Variants in ALCAM observed in about 807,000 individuals in gnomAD.
The protein encoded by ALCAM is CD166 antigen.
ALCAM carries 30 observed loss-of-function variants against 70.9 expected under a neutral mutation model. The ratio of observed to expected loss-of-function variants is 0.42; its 90% confidence interval spans 0.32 to 0.57. The LOEUF is 0.57. Ranked by LOEUF, ALCAM falls within the 20% of genes least tolerant of loss-of-function variation. The pLI is 0.11. For missense variants in ALCAM, 591 were observed against 695.1 expected, an observed-to-expected ratio of 0.85 and a Z score of 1.68; for synonymous variants, 249 against 242.5, an observed-to-expected ratio of 1.03 and a Z score of -0.25.
chr3:105,475,920 A>T (rs1294546819), intron 1 of ALCAM, among the ~76,000 whole-genome samples: 2 of 151,786 alleles, frequency 1.3e-5, no homozygotes, highest in Non-Finnish European at 2.9e-5. Context: ...TTCCTCTTTT[A>T]CACCCAAACT....
At chr3:105,395,997 C>T (rs1935941071) in intron 1 of ALCAM, among the ~76,000 whole-genome samples, 1 of 151,892 alleles carries the variant, frequency 6.6e-6, no homozygotes, top group Non-Finnish European at 1.5e-5. Flanking sequence ...CCATTTAGGA[C>T]CAGTCAACTA....
chr3:105,455,708 C>T (rs534734705), intron 1 of ALCAM, among the ~76,000 whole-genome samples: 1 of 152,244 alleles, frequency 6.6e-6, no homozygotes, highest in Admixed American at 6.5e-5. Context: ...GCAGCACCTG[C>T]GAGCGACCAC....
At chr3:105,476,084 A>G (rs1398408613) in intron 1 of ALCAM, among the ~76,000 whole-genome samples, 10 of 151,940 alleles carry the variant, frequency 6.6e-5, no homozygotes, top group Admixed American at 2.6e-4. Flanking sequence ...TTCTAATCCA[A>G]TGGGATTTCT....
chr3:105,552,477 G>C lies in ALCAM; in HGVS notation c.1556G>C (p.Arg519Thr), dbSNP rs1235557162. ...TTCTTCTTTGTTGCAGATGAAAACA[G>C]AGAAAAGGTGAATGACCAGGCAAAA... ...DEADEISDEN[R>T]EKVNDQAKLI... Residue 519 changes from arginine to threonine, a missense_variant, in exon 14 of 16, where the codon AGA (arginine) becomes ACA (threonine). By Grantham distance (71) the Arg-to-Thr change is moderately conservative. Around this residue, in one of 2 missense-constraint regions of ALCAM, gnomAD observed 164 missense variants for 244.7 expected, o/e 0.67. Transcript: ENST00000306107. 3 of 1,611,602 alleles carry C rather than the reference G, an allele frequency of 1.9e-6. No individual in the cohort carries two copies. Among genetic ancestry groups the C allele is most frequent in the Admixed American group, 1.7e-5 (1 of 59,860 alleles).
chr3:105,518,044 AG>A (rs1330940559), intron 1 of ALCAM, among the ~76,000 whole-genome samples: 2 of 152,102 alleles, frequency 1.3e-5, no homozygotes, highest in African/African-American at 4.8e-5. Flanking sequence ...AGCACATTAA[AG>A]TTCTATAGAG....
intron 1 of ALCAM, among the ~76,000 whole-genome samples, chr3:105,421,177 G>A (rs993381428): frequency 6.6e-6 from 1 of 151,314 alleles, no homozygotes; most frequent in Non-Finnish European, 1.5e-5. Context: ...TTGTAGAGAT[G>A]AACAAATAGG....
intron 1 of ALCAM, among the ~76,000 whole-genome samples, chr3:105,392,587 C>T (rs112404675): frequency 6.6e-6 from 1 of 151,544 alleles, no homozygotes; most frequent in African/African-American, 2.4e-5. Flanking sequence ...TTTAATTCTG[C>T]TCTGATCTTG....
At chr3:105,405,238 T>C (rs778942005) in intron 1 of ALCAM, among the ~76,000 whole-genome samples, 46 of 125,638 alleles carry the variant, frequency 3.7e-4, no homozygotes, top group Non-Finnish European at 4.8e-4. Context: ...GATCATACTA[T>C]TGCACTCCAG....
intron 1 of ALCAM, among the ~76,000 whole-genome samples, chr3:105,452,863 A>C (rs2152592221): frequency 6.6e-6 from 1 of 152,222 alleles, no homozygotes; most frequent in East Asian, 1.9e-4. Context: ...TGGCTGCATA[A>C]ATGTCTTCTT....
At chr3:105,374,466 T>A (rs1935327331) in intron 1 of ALCAM, among the ~76,000 whole-genome samples, 2 of 152,182 alleles carry the variant, frequency 1.3e-5, no homozygotes, top group Admixed American at 1.3e-4. Flanking sequence ...CATGGTGGAA[T>A]TTCATGGTCA....
chr3:105,417,176 G>A (rs1345147692), intron 1 of ALCAM, among the ~76,000 whole-genome samples: 1 of 151,406 alleles, frequency 6.6e-6, no homozygotes, highest in East Asian at 1.9e-4. Context: ...CCTCTTCCAG[G>A]AAGGCTCTTA....
rs571858697 is a variant in ALCAM at position 105,377,189 on chromosome 3, A to G, written c.73+9708A>G. Among the ~76,000 whole-genome samples the G allele has an allele frequency of 4.6e-5, 7 of 152,250 alleles. No individual in the cohort carries two copies. In the South Asian group the frequency reaches 1.4e-3, roughly 32 times the overall value. On this transcript the variant is annotated intron_variant, in intron 1 of 15. Transcript: ENST00000306107. Reference sequence around the variant, plus strand: ...ACCTATAGCTCTACCTCATTTTTAAAAAGTGTGCATTGGATTTTACTGTAC... The same window carrying G: ...ACCTATAGCTCTACCTCATTTTTAAGAAGTGTGCATTGGATTTTACTGTAC...
chr3:105,526,715 G>A (rs533847786), intron 3 of ALCAM, among the ~76,000 whole-genome samples: 5 of 152,080 alleles, frequency 3.3e-5, no homozygotes, highest in Admixed American at 2.0e-4. Flanking sequence ...TTGTTTTTTT[G>A]TTTTGTTTTG....
At chr3:105,497,640 A>C (rs1938784872) in intron 1 of ALCAM, among the ~76,000 whole-genome samples, 4 of 152,190 alleles carry the variant, frequency 2.6e-5, no homozygotes. Context: ...AAGTGCATTC[A>C]TACGTGGAAG....
chr3:105,552,222 G>T, intron 13 of ALCAM, 40 bp downstream of exon 13: 1 of 1,555,864 alleles, frequency 6.4e-7, no homozygotes, highest in South Asian at 1.2e-5. Context: ...TTGACTATCA[G>T]CTCAAGATTT....
At chr3:105,374,357 A>G (rs1041316965) in intron 1 of ALCAM, among the ~76,000 whole-genome samples, 2 of 152,044 alleles carry the variant, frequency 1.3e-5, no homozygotes, top group African/African-American at 4.8e-5. Context: ...AGAGTTCGAG[A>G]CCAGCCTGGC....
chr3:105,564,329 T>C (rs1464897806), intron 14 of ALCAM, among the ~76,000 whole-genome samples: 1 of 150,714 alleles, frequency 6.6e-6, no homozygotes, highest in Non-Finnish European at 1.5e-5. Context: ...ATTTATCTTC[T>C]AAGTACTAAG....
intron 1 of ALCAM, among the ~76,000 whole-genome samples, chr3:105,505,671 T>C (rs1939053479): frequency 1.3e-5 from 2 of 152,166 alleles, no homozygotes; most frequent in Admixed American, 6.5e-5. Flanking sequence ...AATAAAAATA[T>C]TTTCACAGAA....
chr3:105,445,677 T>A (rs1185851453), intron 1 of ALCAM, among the ~76,000 whole-genome samples: 3 of 152,128 alleles, frequency 2.0e-5, no homozygotes, highest in African/African-American at 7.2e-5. Flanking sequence ...AATAAATTCA[T>A]GCACTTATAG....
Sources: allele counts gnomAD v4.1 joint callset (sites outside exome capture counted in the v4.1 genomes callset), GRCh38; gene constraint gnomAD v4.1.1; regional missense constraint gnomAD v4.1.1; transcripts MANE v1.5; gene names NCBI Gene and HGNC (gene_info 2026-07-23, HGNC 2026-07-21).